Variants in TMEM131 observed in about 807,000 individuals in gnomAD.
The protein encoded by TMEM131 is 2610524E03Rik.
TMEM131 carries 66 observed loss-of-function variants against 211.6 expected under a neutral mutation model. The ratio of observed to expected loss-of-function variants is 0.31; its 90% confidence interval spans 0.26 to 0.38. TMEM131 has a LOEUF of 0.38. Ranked by LOEUF, TMEM131 falls within the 10% of genes least tolerant of loss-of-function variation. The probability of loss-of-function intolerance (pLI) is 1.00; values close to 1 mark genes in which losing one functional copy is unlikely to be tolerated. For synonymous variants in TMEM131, 844 were observed against 841.3 expected, an observed-to-expected ratio of 1.00 and a Z score of -0.06; for missense variants, 2,036 against 2,299.3, an observed-to-expected ratio of 0.89 and a Z score of 2.34.
intron 1 of TMEM131, among the ~76,000 whole-genome samples, chr2:97,968,152 G>A (rs1259490158): frequency 6.6e-6 from 1 of 152,050 alleles, no homozygotes; most frequent in Non-Finnish European, 1.5e-5. Flanking sequence ...CCAGAATTGT[G>A]TCATTATCTT....
chr2:97,844,158 AC>A lies in TMEM131; in HGVS notation c.586del (p.Val196TyrfsTer17). 9.2e-7 allele frequency: 1 copy of A among 1,087,002 alleles called. No homozygotes were observed. The allele number at this position is 1,087,002 out of a possible 1,614,324, so 67.3% of individuals were successfully genotyped here. A position where few individuals can be genotyped will look rare whatever the true frequency, so the allele number is the denominator to read the frequency against. The stretch of plus-strand genomic sequence containing the variant: ...TCTGGTTCTTACCTGGTAAGTAAAT[AC>A]CCCATGATTAGATGTATTAATAAAT... ...TLFINTSNHG[V>X]FTYQVFGVGV... is the part of the protein sequence containing the mutation. On this transcript the variant is annotated frameshift_variant, in exon 6 of 41. Transcript: ENST00000186436. LOFTEE classifies it high-confidence loss of function.
intron 6 of TMEM131, among the ~76,000 whole-genome samples, chr2:97,842,641 G>A (rs1169170559): frequency 2.6e-5 from 4 of 152,148 alleles, no homozygotes; most frequent in Admixed American, 6.5e-5. Flanking sequence ...GTAGTGAGGA[G>A]GAGGGAAGTA....
At chr2:97,983,929 T>C (rs978055765) in intron 1 of TMEM131, among the ~76,000 whole-genome samples, 3 of 152,174 alleles carry the variant, frequency 2.0e-5, no homozygotes, top group African/African-American at 4.8e-5. Context: ...CCCTTTGGAA[T>C]GATAAGAGAA....
chr2:97,886,464 G>T (rs1675163638), intron 4 of TMEM131, among the ~76,000 whole-genome samples: 1 of 151,902 alleles, frequency 6.6e-6, no homozygotes, highest in African/African-American at 2.4e-5. Context: ...AGATTGGTGG[G>T]GTGCATTGGC....
chr2:97,960,346 A>G (rs1678763081), intron 1 of TMEM131, among the ~76,000 whole-genome samples: 1 of 151,950 alleles, frequency 6.6e-6, no homozygotes, highest in East Asian at 1.9e-4. Context: ...TTTTATTTCC[A>G]TCCACCTTCT....
At chr2:97,873,471 G>C (rs566267537) in intron 4 of TMEM131, among the ~76,000 whole-genome samples, 1 of 152,336 alleles carries the variant, frequency 6.6e-6, no homozygotes, top group South Asian at 2.1e-4. Context: ...CTCCCAGTAG[G>C]GGCCAACAGA....
chr2:97,905,856 T>G (rs1676044501), intron 3 of TMEM131, among the ~76,000 whole-genome samples: 1 of 152,142 alleles, frequency 6.6e-6, no homozygotes, highest in African/African-American at 2.4e-5. Context: ...AAGATAAGCC[T>G]CTGTAGCACA....
chr2:97,789,645 GA>G (rs1301922638), intron 31 of TMEM131, among the ~76,000 whole-genome samples: 2 of 152,240 alleles, frequency 1.3e-5, no homozygotes, highest in African/African-American at 4.8e-5. Flanking sequence ...GCCAAAGCCA[GA>G]AACGAGAATG....
At chr2:97,762,013 G>A (rs377322995) in intron 36 of TMEM131, 22 bp downstream of exon 36, 33 of 1,534,630 alleles carry the variant, frequency 2.2e-5, no homozygotes, top group South Asian at 1.0e-4. Context: ...GCTGAGAACC[G>A]GAAAGGAAGC....
rs1676444780 is a variant in TMEM131 at position 97,914,917 on chromosome 2, T to C, written c.250-6219A>G. Among the ~76,000 whole-genome samples, 4 of 152,254 alleles carry C rather than the reference T, an allele frequency of 2.6e-5. 1 individual carries two copies. The highest frequency in any genetic ancestry group is 9.6e-5 in the African/African-American group (4 of 41,470). On this transcript the variant is annotated intron_variant, in intron 2 of 40. Transcript: ENST00000186436. ...AAGAGAGCAATTAGTAGGTCAATTA[T>C]AGTAACCACATGTTTAGATTTATAC... is the stretch of plus-strand genomic sequence containing the variant.
chr2:97,937,512 A>T (rs947619660), intron 1 of TMEM131, among the ~76,000 whole-genome samples: 1 of 152,222 alleles, frequency 6.6e-6, no homozygotes, highest in Non-Finnish European at 1.5e-5. Context: ...AGTCCAAACT[A>T]AACTATTACA....
At chr2:97,936,104 C>CA (rs1038825062) in intron 1 of TMEM131, among the ~76,000 whole-genome samples, 3 of 152,326 alleles carry the variant, frequency 2.0e-5, no homozygotes, top group African/African-American at 7.2e-5. Flanking sequence ...TGACCTGACT[C>CA]AGAGCTTTCC....
intron 31 of TMEM131, among the ~76,000 whole-genome samples, 190 bp downstream of exon 31, chr2:97,792,196 A>G (rs187539447): frequency 5.4e-4 from 83 of 152,360 alleles, no homozygotes; most frequent in African/African-American, 1.9e-3. Flanking sequence ...AAATACAAAT[A>G]TATCTTTTAT....
At chr2:97,908,621 C>T (rs779542888) in intron 3 of TMEM131, 37 bp downstream of exon 3, 29 of 1,523,996 alleles carry the variant, frequency 1.9e-5, no homozygotes, top group African/African-American at 8.2e-5. Context: ...CCAGAAGGAA[C>T]CGAAAGTATG....
At chr2:97,992,075 T>C (rs1680292849) in intron 1 of TMEM131, among the ~76,000 whole-genome samples, 1 of 152,216 alleles carries the variant, frequency 6.6e-6, no homozygotes, top group African/African-American at 2.4e-5. Context: ...TTAAATAACA[T>C]TCTATTTACA....
At chr2:97,844,117 TAA>T in intron 6 of TMEM131, 26 bp downstream of exon 6, 1 of 681,722 alleles carries the variant, frequency 1.5e-6, no homozygotes, top group Non-Finnish European at 2.2e-6. Context: ...TTATATTGTA[TAA>T]AATAAGTTTT....
At chr2:97,885,478 G>A (rs1029182373) in intron 4 of TMEM131, among the ~76,000 whole-genome samples, 4 of 152,110 alleles carry the variant, frequency 2.6e-5, no homozygotes, top group Admixed American at 1.3e-4. Context: ...GTGAGCCACC[G>A]CGCCCGGCCG....
Position 97,927,412 on chromosome 2 carries a change from TA to T in TMEM131, c.249+13del, listed in dbSNP as rs770249887. On this transcript the variant is annotated intron_variant, in intron 2 of 40. Transcript: ENST00000186436. ...AAGGCTTAACAATAACTTGTCTACTTAAAAAAAAATTACCTGTAGTAGCCCT... is the reference window on the plus strand; with the variant it reads ...AAGGCTTAACAATAACTTGTCTACTTAAAAAAAATTACCTGTAGTAGCCCT... The T allele has an allele frequency of 7.7e-4, 1,194 of 1,557,538 alleles. 1 individual carries two copies. The highest frequency in any genetic ancestry group is 1.4e-3 in the Admixed American group (74 of 54,036).
rs139613671 is a variant in TMEM131 at position 97,865,248 on chromosome 2, T to C, written c.360-5821A>G. Among the ~76,000 whole-genome samples, 1,070 of 152,344 alleles carry C rather than the reference T, an allele frequency of 7.0e-3. 40 individuals carry two copies. Among genetic ancestry groups the C allele is most frequent in the Admixed American group, 0.06 (918 of 15,304 alleles). On this transcript the variant is annotated intron_variant, in intron 4 of 40. Transcript: ENST00000186436. ...ACATGATATGTTTGGAGTAAATTAA[T>C]TGGATAACACACACAATGTTGTGAT... is the stretch of plus-strand genomic sequence containing the variant.
Sources: allele counts gnomAD v4.1 joint callset (sites outside exome capture counted in the v4.1 genomes callset), GRCh38; gene constraint gnomAD v4.1.1; transcripts MANE v1.5; gene names NCBI Gene and HGNC (gene_info 2026-07-23, HGNC 2026-07-21).